PHACTR2: variants seen among roughly 807,000 people sequenced by gnomAD.
PHACTR2 encodes the protein phosphatase and actin regulator 2, also known as chromosome 6 open reading frame 56.
Under a neutral mutation model 76.0 loss-of-function variants are expected in PHACTR2, and 30 were observed. The observed-to-expected ratio is 0.39, with a 90% confidence interval of 0.30 to 0.54. The LOEUF (loss-of-function observed/expected upper bound fraction) is 0.54. Among genes scored for constraint, PHACTR2 ranks in the 20% least tolerant of loss-of-function variants. The pLI is 0.61. For synonymous variants in PHACTR2, 292 were observed against 292.5 expected, an observed-to-expected ratio of 1.00 and a Z score of 0.02; for missense variants, 696 against 781.1, an observed-to-expected ratio of 0.89 and a Z score of 1.30.
At chr6:143,729,875 T>C (rs1778662342) in intron 2 of PHACTR2, among the ~76,000 whole-genome samples, 1 of 152,156 alleles carries the variant, frequency 6.6e-6, no homozygotes, top group African/African-American at 2.4e-5. Flanking sequence ...CCATTTTTTT[T>C]CTCTTTTCAG....
rs1582820650 is a variant in PHACTR2 at position 143,731,867 on chromosome 6, G to A, written c.215-17118G>A. Among the ~76,000 whole-genome samples the A allele has an allele frequency of 6.6e-6, 1 of 152,188 alleles. No homozygotes were observed. Among genetic ancestry groups the A allele is most frequent in the African/African-American group, 2.4e-5 (1 of 41,450 alleles). On this transcript the variant is annotated intron_variant, in intron 2 of 12. Coordinates refer to ENST00000440869, the MANE Select transcript of PHACTR2 (RefSeq NM_001100164.2). The surrounding 1 kb of genome is among the most constrained non-coding windows in gnomAD (Gnocchi z 4.9). The stretch of plus-strand genomic sequence containing the variant: ...GGACCTGAAGATTTCTCTTTTGAAA[G>A]ATTTAAATAGCATATTCAATTTCTT...
rs1489870628 is a variant in PHACTR2, at chr6:143,708,617, A to G, written c.47-3399A>G. On this transcript the variant is annotated intron_variant, in intron 1 of 12. Coordinates refer to ENST00000440869, the MANE Select transcript of PHACTR2 (RefSeq NM_001100164.2). This position sits in a 1 kb window ranked among gnomAD's most constrained non-coding sequence, Gnocchi z 5.5. Reference sequence around the variant, plus strand: ...AAAACTGATCCACAAGAAAAATTATAGAAATATCAATAGCAATGCCCAGTG... The same window carrying G: ...AAAACTGATCCACAAGAAAAATTATGGAAATATCAATAGCAATGCCCAGTG... 6.6e-6 allele frequency among the ~76,000 whole-genome samples: 1 copy of G among 152,254 alleles called. No individual in the cohort carries two copies. The highest frequency in any genetic ancestry group is 1.5e-5 in the Non-Finnish European group (1 of 68,038).
intron 1 of PHACTR2, among the ~76,000 whole-genome samples, chr6:143,665,953 A>G (rs1287460511): frequency 1.3e-5 from 2 of 152,138 alleles, no homozygotes; most frequent in Admixed American, 6.5e-5. Flanking sequence ...TATACATGCC[A>G]TGGTGGTTTG....
intron 1 of PHACTR2, among the ~76,000 whole-genome samples, chr6:143,573,929 C>G (rs1775476902): frequency 6.6e-6 from 1 of 152,140 alleles, no homozygotes; most frequent in African/African-American, 2.4e-5. Context: ...TCTATTATTG[C>G]ATAGCAAATT....
chr6:143,813,617 C>CA (rs373797909), intron 12 of PHACTR2, among the ~76,000 whole-genome samples: 6,372 of 59,794 alleles, frequency 0.11, 423 homozygotes, highest in African/African-American at 0.18. Flanking sequence ...GACTCCGCCT[C>CA]AAAAAAAAAA....
chr6:143,724,851 A>G (rs1198951563), intron 2 of PHACTR2, among the ~76,000 whole-genome samples: 3 of 152,248 alleles, frequency 2.0e-5, no homozygotes, highest in Admixed American at 6.5e-5. Flanking sequence ...CCATGGGCCA[A>G]TGAGCCTATA....
intron 2 of PHACTR2, among the ~76,000 whole-genome samples, chr6:143,735,649 A>G (rs1186329649): frequency 6.6e-6 from 1 of 151,676 alleles, no homozygotes; most frequent in Admixed American, 6.6e-5. Context: ...CAGATGAATC[A>G]AATGCAAAAC....
Position 143,538,123 on chromosome 6 carries a change from A to G in PHACTR2, c.217+916A>G, listed in dbSNP as rs146408605. Among the ~76,000 whole-genome samples, 1,019 of 151,776 alleles carry G rather than the reference A, an allele frequency of 6.7e-3. 13 individuals are homozygous for G. The highest frequency in any genetic ancestry group is 0.02 in the African/African-American group (849 of 41,444). On this transcript the variant is annotated intron_variant, in intron 1 of 11. Coordinates refer to the PHACTR2 transcript ENST00000367584. ...ACACACACACACACACAAACACACA[A>G]AAGCCTCAAGCTAGCCCCTCTGCGG... is the stretch of plus-strand genomic sequence containing the variant.
intron 2 of PHACTR2, among the ~76,000 whole-genome samples, chr6:143,734,386 G>A (rs9484803): frequency 6.6e-6 from 1 of 152,118 alleles, no homozygotes; most frequent in Non-Finnish European, 1.5e-5. Flanking sequence ...GGGATATTGT[G>A]TTTAATCCAA....
intron 2 of PHACTR2, among the ~76,000 whole-genome samples, chr6:143,728,202 T>G (rs1160443209): frequency 8.6e-6 from 1 of 115,890 alleles, no homozygotes; most frequent in African/African-American, 4.2e-5. Context: ...TTTCTTTCCT[T>G]TTTTTTTTTC....
intron 3 of PHACTR2, among the ~76,000 whole-genome samples, chr6:143,752,541 G>A (rs953252976): frequency 1.3e-5 from 2 of 151,980 alleles, no homozygotes; most frequent in African/African-American, 4.8e-5. Context: ...GTTTTACACG[G>A]GACTTAGTTA....
rs1779520917 is a variant in PHACTR2 at position 143,764,900 on chromosome 6, G to A, written c.695-361G>A. 6.6e-6 allele frequency among the ~76,000 whole-genome samples: 1 copy of A among 152,146 alleles called. No individual in the cohort carries two copies. The highest frequency in any genetic ancestry group is 1.5e-5 in the Non-Finnish European group (1 of 68,024). Reference sequence around the variant, plus strand: ...TACACCCAGCTAGCTGCTGATGTCTGTCCTTTACGCACCATAACATTCCTT... The same window carrying A: ...TACACCCAGCTAGCTGCTGATGTCTATCCTTTACGCACCATAACATTCCTT... On this transcript the variant is annotated intron_variant, in intron 5 of 12. Coordinates refer to ENST00000440869, the MANE Select transcript of PHACTR2 (RefSeq NM_001100164.2). This position sits in a 1 kb window ranked among gnomAD's most constrained non-coding sequence, Gnocchi z 4.7.
chr6:143,542,316 G>T (rs1043291538), intron 1 of PHACTR2, among the ~76,000 whole-genome samples: 7 of 152,312 alleles, frequency 4.6e-5, no homozygotes, highest in South Asian at 4.1e-4. Flanking sequence ...CTTCATTCCA[G>T]AAGGGGCATC....
chr6:143,801,256 T>C lies in PHACTR2; in HGVS notation c.1846-5801T>C, dbSNP rs1775948335. On this transcript the variant is annotated intron_variant, in intron 11 of 12. Coordinates refer to ENST00000440869, the MANE Select transcript of PHACTR2 (RefSeq NM_001100164.2). The surrounding 1 kb of genome is among the most constrained non-coding windows in gnomAD (Gnocchi z 4.6). ...TGAATGTTGGCCTCTCTTGCTAGGT[T>C]GGGGAAGTTCTCCTGGATAATATCC... Among the ~76,000 whole-genome samples the C allele has an allele frequency of 1.3e-5, 2 of 152,316 alleles. 1 individual carries two copies. Among genetic ancestry groups the C allele is most frequent in the East Asian group, 3.9e-4 (2 of 5,188 alleles).
chr6:143,709,031 T>C lies in PHACTR2; in HGVS notation c.47-2985T>C, dbSNP rs192235835. On this transcript the variant is annotated intron_variant, in intron 1 of 12. Coordinates refer to ENST00000440869, the MANE Select transcript of PHACTR2 (RefSeq NM_001100164.2). This position sits in a 1 kb window ranked among gnomAD's most constrained non-coding sequence, Gnocchi z 4.4. The stretch of plus-strand genomic sequence containing the variant: ...AGTTGTTCAAAGTTAAGCCCTTCCA[T>C]GAGAGTTCAGCACAAAGTCTTCATG... Among the ~76,000 whole-genome samples, 406 of 152,370 alleles carry C rather than the reference T, an allele frequency of 2.7e-3. 5 individuals carry two copies. The highest frequency in any genetic ancestry group is 9.4e-3 in the African/African-American group (389 of 41,586).
At chr6:143,737,238 A>G (rs941389202) in intron 2 of PHACTR2, among the ~76,000 whole-genome samples, 1 of 151,296 alleles carries the variant, frequency 6.6e-6, no homozygotes, top group Admixed American at 6.6e-5. Flanking sequence ...AGAATTATAT[A>G]TATTATATAT....
rs76164042 is a variant in PHACTR2 at position 143,822,541 on chromosome 6, A to C, written c.1923-1133A>C. Among the ~76,000 whole-genome samples the C allele has an allele frequency of 5.5e-3, 841 of 152,326 alleles. 8 individuals carry two copies. Among genetic ancestry groups the C allele is most frequent in the African/African-American group, 0.02 (813 of 41,572 alleles). ...AAGATTTTAAAAACCCCAAGAACTGAAATGATGGAACCAGTATTTTTAAGG... is the reference window on the plus strand; with the variant it reads ...AAGATTTTAAAAACCCCAAGAACTGCAATGATGGAACCAGTATTTTTAAGG... On this transcript the variant is annotated intron_variant, in intron 12 of 12. Transcript: ENST00000440869. The surrounding 1 kb of genome is among the most constrained non-coding windows in gnomAD (Gnocchi z 5.5).
intron 1 of PHACTR2, among the ~76,000 whole-genome samples, chr6:143,637,740 G>A (rs1776485565): frequency 6.6e-6 from 1 of 152,252 alleles, no homozygotes; most frequent in Non-Finnish European, 1.5e-5. Context: ...CTTCTTCAAA[G>A]CCAGCAAGGA....
intron 1 of PHACTR2, among the ~76,000 whole-genome samples, chr6:143,573,742 C>G (rs12176035): frequency 0.26 from 39,978 of 151,976 alleles, 5,280 homozygotes; most frequent in South Asian, 0.39. Flanking sequence ...ATTATGATGT[C>G]CTTGAAACTG....
Sources: allele counts gnomAD v4.1 joint callset (sites outside exome capture counted in the v4.1 genomes callset), GRCh38; gene constraint gnomAD v4.1.1; non-coding constraint Gnocchi (gnomAD v3.1); transcripts MANE v1.5; gene names NCBI Gene and HGNC (gene_info 2026-07-23, HGNC 2026-07-21).